ZBTB7C: variants seen among roughly 807,000 people sequenced by gnomAD.
ZBTB7C encodes the protein zinc finger and BTB domain-containing protein 7C.
In ZBTB7C, 8 loss-of-function variants were observed where a neutral mutation model predicts 25.7. The ratio of observed to expected loss-of-function variants is 0.31; its 90% confidence interval spans 0.18 to 0.56. The LOEUF (loss-of-function observed/expected upper bound fraction) is 0.56. ZBTB7C is among the 20% of genes least tolerant of loss of function. The pLI is 0.91. For synonymous variants in ZBTB7C, 394 were observed against 369.0 expected, an observed-to-expected ratio of 1.07 and a Z score of -0.78; for missense variants, 824 against 855.2, an observed-to-expected ratio of 0.96 and a Z score of 0.46.
chr18:48,039,969 G>A lies in ZBTB7C; in HGVS notation c.1139C>T (p.Pro380Leu), dbSNP rs1414696356. The A allele has an allele frequency of 3.7e-6, 6 of 1,613,894 alleles. No homozygotes were observed. Among genetic ancestry groups the A allele is most frequent in the Non-Finnish European group, 5.1e-6 (6 of 1,180,050 alleles). Residue 380 changes from proline to leucine, a missense_variant, in exon 4 of 5, where the codon CCG becomes CTG. Pro to Leu is a moderately conservative substitution (Grantham distance 98). This residue lies in a region of ZBTB7C where 49 missense variants were observed against 81.3 expected (regional missense o/e 0.60). Coordinates refer to ENST00000590800, the MANE Select transcript of ZBTB7C (RefSeq NM_001318841.2). ...HKVIMGAGKLPRHMRTHTGEK... is the reference protein window; with the variant it reads ...HKVIMGAGKLLRHMRTHTGEK... ...CCCGGTATGGGTCCTCATGTGCCGC[G>A]GCAGCTTCCCGGCCCCCATGATGAC...
chr18:48,319,114 G>C (rs1388918540), intron 2 of ZBTB7C, among the ~76,000 whole-genome samples: 3 of 147,040 alleles, frequency 2.0e-5, no homozygotes, highest in Non-Finnish European at 4.6e-5. Flanking sequence ...GAATGCCTCT[G>C]TGTGTGTGTG....
intron 1 of ZBTB7C, among the ~76,000 whole-genome samples, chr18:48,387,544 T>TA (rs1308473245): frequency 1.3e-5 from 2 of 152,210 alleles, no homozygotes; most frequent in African/African-American, 4.8e-5. Context: ...TCCCTGAACT[T>TA]CACTAAGTTG....
intron 3 of ZBTB7C, among the ~76,000 whole-genome samples, chr18:48,140,984 C>G (rs142527810): frequency 6.6e-6 from 1 of 152,218 alleles, no homozygotes; most frequent in Admixed American, 6.5e-5. Flanking sequence ...TTCGGCCCAA[C>G]GCCACACGAC....
intron 3 of ZBTB7C, among the ~76,000 whole-genome samples, chr18:48,094,899 A>G (rs529476864): frequency 6.6e-6 from 1 of 152,310 alleles, no homozygotes; most frequent in Admixed American, 6.5e-5. Flanking sequence ...GGGAAACAGC[A>G]GTCAAGGTGA....
chr18:48,410,350 T>G (rs977802797), upstream of ZBTB7C, among the ~76,000 whole-genome samples: 2 of 152,112 alleles, frequency 1.3e-5, no homozygotes, highest in Non-Finnish European at 2.9e-5. Flanking sequence ...GAGCAGCCGC[T>G]GGCCGCCCGT....
chr18:48,129,683 A>G (rs1406858968), intron 3 of ZBTB7C, among the ~76,000 whole-genome samples: 1 of 152,196 alleles, frequency 6.6e-6, no homozygotes, highest in Non-Finnish European at 1.5e-5. Flanking sequence ...CGGGCACGGC[A>G]CTGCATGGAG....
At chr18:48,122,101 C>G (rs530217472) in intron 3 of ZBTB7C, among the ~76,000 whole-genome samples, 1 of 152,286 alleles carries the variant, frequency 6.6e-6, no homozygotes, top group East Asian at 1.9e-4. Context: ...CTAGATCGGG[C>G]TGTTCATGTT....
At chr18:48,060,213 G>T (rs996949792) in intron 3 of ZBTB7C, among the ~76,000 whole-genome samples, 1 of 152,118 alleles carries the variant, frequency 6.6e-6, no homozygotes, top group Admixed American at 6.5e-5. Flanking sequence ...GCTTTTCTGC[G>T]GAGTTTGTGC....
intron 2 of ZBTB7C, among the ~76,000 whole-genome samples, chr18:48,337,558 C>T (rs561575528): frequency 9.2e-5 from 14 of 152,350 alleles, no homozygotes; most frequent in African/African-American, 3.4e-4. Flanking sequence ...CTGACAGGCC[C>T]CTACTGTCCT....
intron 1 of ZBTB7C, among the ~76,000 whole-genome samples, chr18:48,396,618 T>A (rs970036066): frequency 6.6e-6 from 1 of 152,202 alleles, no homozygotes; most frequent in Non-Finnish European, 1.5e-5. Context: ...GAAGGAAGCA[T>A]ATGCAAACGT....
intron 1 of ZBTB7C, among the ~76,000 whole-genome samples, chr18:48,398,102 C>A (rs9962105): frequency 0.36 from 54,151 of 152,124 alleles, 10,353 homozygotes; most frequent in African/African-American, 0.49. Flanking sequence ...CTGAAAGGGC[C>A]GGCTGCCGGG....
intron 2 of ZBTB7C, among the ~76,000 whole-genome samples, chr18:48,258,816 G>A (rs549209923): frequency 2.1e-5 from 3 of 143,038 alleles, no homozygotes; most frequent in African/African-American, 5.5e-5. Flanking sequence ...ACACCACCAC[G>A]CTCCACTAAT....
At chr18:48,296,239 G>A (rs1467001649) in intron 2 of ZBTB7C, among the ~76,000 whole-genome samples, 3 of 152,208 alleles carry the variant, frequency 2.0e-5, no homozygotes, top group Admixed American at 2.0e-4. Context: ...TCCCCATGCA[G>A]GATGGGGAGG....
chr18:48,032,501 C>T (rs1256465700), intron 4 of ZBTB7C, among the ~76,000 whole-genome samples: 2 of 120,814 alleles, frequency 1.7e-5, no homozygotes, highest in East Asian at 5.7e-4. Flanking sequence ...GTGGTGCGAT[C>T]TTGGCTCACT....
At chr18:48,273,592 T>C (rs2044553848) in intron 2 of ZBTB7C, among the ~76,000 whole-genome samples, 1 of 152,070 alleles carries the variant, frequency 6.6e-6, no homozygotes, top group South Asian at 2.1e-4. Context: ...GGAAGATAAT[T>C]GAAAGGGAAG....
intron 2 of ZBTB7C, among the ~76,000 whole-genome samples, chr18:48,232,245 A>C (rs62088924): frequency 0.051 from 7,735 of 152,334 alleles, 271 homozygotes; most frequent in Non-Finnish European, 0.076. Flanking sequence ...TGCATCCATC[A>C]GCCAAAGAAC....
At chr18:48,408,487 G>T (rs13381362) in intron 1 of ZBTB7C, 1 of 152,102 alleles carries the variant, frequency 6.6e-6, no homozygotes, top group African/African-American at 2.4e-5. Flanking sequence ...GTGTGCGTGC[G>T]CCCATTTCCC....
rs147484070 is a variant in ZBTB7C at position 48,180,390 on chromosome 18, G to A, written c.-17+5544C>T. 6.5e-3 allele frequency: 2,982 copies of A among 456,338 alleles called. 33 individuals are homozygous for A. Among genetic ancestry groups the A allele is most frequent in the Middle Eastern group, 0.02 (61 of 3,076 alleles). The allele number at this position is 456,338 out of a possible 1,614,324, so 28.3% of individuals were successfully genotyped here. A position where few individuals can be genotyped will look rare whatever the true frequency, so the allele number is the denominator to read the frequency against. Reference sequence around the variant, plus strand: ...CACACCATTCGCTGGTGATTACCACGGTAATCAGGCACGCTCATTGACAGG... The same window carrying A: ...CACACCATTCGCTGGTGATTACCACAGTAATCAGGCACGCTCATTGACAGG... On this transcript the variant is annotated intron_variant, in intron 3 of 4. Transcript: ENST00000590800.
At chr18:48,054,700 T>C (rs1015300053) in intron 3 of ZBTB7C, among the ~76,000 whole-genome samples, 4 of 152,208 alleles carry the variant, frequency 2.6e-5, no homozygotes, top group African/African-American at 9.7e-5. Flanking sequence ...AAGAACAAAC[T>C]GGAAGCTTGC....
Sources: gnomAD v4.1 joint callset for allele counts (sites outside exome capture counted in the v4.1 genomes callset) on GRCh38, gnomAD v4.1.1 for gene constraint, gnomAD v4.1.1 regional missense constraint, MANE v1.5 for transcripts, NCBI Gene and HGNC (gene_info 2026-07-23, HGNC 2026-07-21) for gene names.